TMEM178B: variants seen among roughly 807,000 people sequenced by gnomAD.
The protein encoded by TMEM178B is transmembrane protein 178B.
In TMEM178B, 5 loss-of-function variants were observed where a neutral mutation model predicts 31.0. The observed-to-expected ratio is 0.16, with a 90% CI of 0.08 to 0.34. The LOEUF is 0.34. Among genes scored for constraint, TMEM178B ranks in the 10% least tolerant of loss-of-function variants. The probability of loss-of-function intolerance (pLI) is 1.00; values close to 1 mark genes in which losing one functional copy is unlikely to be tolerated. For synonymous variants in TMEM178B, 164 were observed against 164.0 expected, an observed-to-expected ratio of 1.00 and a Z score of 0.00; for missense variants, 275 against 400.3, an observed-to-expected ratio of 0.69 and a Z score of 2.67.
At chr7:141,127,434 C>T (rs765174255) in intron 1 of TMEM178B, among the ~76,000 whole-genome samples, 1 of 151,990 alleles carries the variant, frequency 6.6e-6, no homozygotes, top group Non-Finnish European at 1.5e-5. Context: ...TGGGGTGAGC[C>T]CTAAATCCGA....
chr7:141,127,794 C>A (rs865979511), intron 1 of TMEM178B, among the ~76,000 whole-genome samples: 54 of 152,286 alleles, frequency 3.5e-4, no homozygotes, highest in African/African-American at 1.3e-3. Flanking sequence ...GCCCTTTTAG[C>A]TTCCCTGAGA....
rs1184633759 is a variant in TMEM178B at position 141,474,359 on chromosome 7, G to T, written c.*3573G>T. On this transcript the variant is annotated 3_prime_UTR_variant, in exon 4 of 4. Coordinates refer to ENST00000565468, the MANE Select transcript of TMEM178B (RefSeq NM_001195278.2). ...ATTAACATAGACAAGTGATTCATCT[G>T]TAGAGAGGCTCCTAGACTCCAAGCA... 4 of 152,144 alleles carry T rather than the reference G, an allele frequency of 2.6e-5. No individual in the cohort carries two copies. The highest frequency in any genetic ancestry group is 5.9e-5 in the Non-Finnish European group (4 of 68,024). The allele number at this position is 152,144 out of a possible 1,614,324, so 9.4% of individuals were successfully genotyped here.
At chr7:141,118,450 G>A (rs1795355936) in intron 1 of TMEM178B, among the ~76,000 whole-genome samples, 1 of 152,196 alleles carries the variant, frequency 6.6e-6, no homozygotes, top group Non-Finnish European at 1.5e-5. Context: ...AATAAATAAT[G>A]CCTAGTTTGC....
At chr7:141,196,815 C>T (rs1796790811) in intron 1 of TMEM178B, among the ~76,000 whole-genome samples, 1 of 152,066 alleles carries the variant, frequency 6.6e-6, no homozygotes, top group Non-Finnish European at 1.5e-5. Flanking sequence ...CTTCAAGGGG[C>T]CTGGAAATCA....
intron 1 of TMEM178B, among the ~76,000 whole-genome samples, chr7:141,136,951 G>T (rs776906740): frequency 1.3e-5 from 2 of 152,160 alleles, no homozygotes; most frequent in Admixed American, 1.3e-4. Flanking sequence ...TATATGAAAA[G>T]ATGCTCAACA....
At chr7:141,470,511 C>T in intron 3 of TMEM178B, 25 bp from the exon 4 acceptor site, 1 of 1,480,788 alleles carries the variant, frequency 6.8e-7, no homozygotes. Flanking sequence ...TTTCCCCATC[C>T]TGTGTCTTTT....
intron 2 of TMEM178B, among the ~76,000 whole-genome samples, chr7:141,283,546 T>C (rs1798398434): frequency 6.6e-6 from 1 of 152,236 alleles, no homozygotes; most frequent in South Asian, 2.1e-4. Context: ...TTTCTTATTC[T>C]TCACCTTTTA....
chr7:141,446,577 G>A (rs1424824544), intron 3 of TMEM178B, among the ~76,000 whole-genome samples: 1 of 152,176 alleles, frequency 6.6e-6, no homozygotes, highest in Non-Finnish European at 1.5e-5. Flanking sequence ...CTCTTGATTG[G>A]GGGTGAGAGT....
At chr7:141,430,476 C>T (rs1586954814) in intron 2 of TMEM178B, among the ~76,000 whole-genome samples, 1 of 152,174 alleles carries the variant, frequency 6.6e-6, no homozygotes, top group East Asian at 1.9e-4. Context: ...TAGGTATTGT[C>T]ATAACCTTCA....
chr7:141,507,039 T>C, the TMEM178B span, among the ~76,000 whole-genome samples: 1 of 152,202 alleles, frequency 6.6e-6, no homozygotes, highest in African/African-American at 2.4e-5. Context: ...TGGGTTACCA[T>C]GGACTTGGGC....
At chr7:141,488,585 G>A in the TMEM178B span, among the ~76,000 whole-genome samples, 1 of 152,206 alleles carries the variant, frequency 6.6e-6, no homozygotes, top group African/African-American at 2.4e-5. Context: ...GACTACAGGT[G>A]CATGCCACCA....
At chr7:141,165,065 T>C (rs1336810841) in intron 1 of TMEM178B, among the ~76,000 whole-genome samples, 1 of 152,196 alleles carries the variant, frequency 6.6e-6, no homozygotes, top group East Asian at 1.9e-4. Flanking sequence ...TCCTTTAACT[T>C]TCCCTAATGT....
chr7:141,488,739 G>T, the TMEM178B span, among the ~76,000 whole-genome samples: 1 of 151,772 alleles, frequency 6.6e-6, no homozygotes, highest in African/African-American at 2.4e-5. Context: ...CGCCCGGCCT[G>T]CATTTTCTTC....
intron 1 of TMEM178B, among the ~76,000 whole-genome samples, chr7:141,124,055 T>G (rs1795450471): frequency 6.6e-6 from 1 of 151,992 alleles, no homozygotes; most frequent in Non-Finnish European, 1.5e-5. Context: ...ATCCCAGGCC[T>G]GAACACTCTG....
chr7:141,351,509 G>A (rs776984850), intron 2 of TMEM178B, among the ~76,000 whole-genome samples: 130 of 152,212 alleles, frequency 8.5e-4, no homozygotes, highest in Non-Finnish European at 1.3e-3. Context: ...GCTGTATTCT[G>A]TTGCTCAAAG....
chr7:141,395,391 G>T (rs1800619953), intron 2 of TMEM178B, among the ~76,000 whole-genome samples: 1 of 152,050 alleles, frequency 6.6e-6, no homozygotes, highest in Non-Finnish European at 1.5e-5. Flanking sequence ...CAGGGAGCTG[G>T]GATCATGCCA....
At chr7:141,126,834 C>T (rs1380129689) in intron 1 of TMEM178B, among the ~76,000 whole-genome samples, 1 of 151,632 alleles carries the variant, frequency 6.6e-6, no homozygotes. Flanking sequence ...AACTAACCAT[C>T]TCCTCTTTGG....
intron 2 of TMEM178B, among the ~76,000 whole-genome samples, chr7:141,387,436 T>C (rs2116598332): frequency 6.6e-6 from 1 of 152,278 alleles, no homozygotes; most frequent in South Asian, 2.1e-4. Flanking sequence ...AGGAAGAAAT[T>C]CTACCCCTTC....
chr7:141,366,739 C>G (rs1165230826), intron 2 of TMEM178B, among the ~76,000 whole-genome samples: 1 of 152,040 alleles, frequency 6.6e-6, no homozygotes, highest in Non-Finnish European at 1.5e-5. Flanking sequence ...CTTCTGCTTC[C>G]TTTCCAGAAT....
Sources: allele counts gnomAD v4.1 joint callset (sites outside exome capture counted in the v4.1 genomes callset), GRCh38; gene constraint gnomAD v4.1.1; transcripts MANE v1.5; gene names NCBI Gene and HGNC (gene_info 2026-07-23, HGNC 2026-07-21).